Variants in NAV2 observed in about 807,000 individuals in gnomAD.
NAV2 encodes the protein helicase, APC down-regulated 1.
A neutral mutation model predicts 223.2 loss-of-function variants in NAV2; 54 were observed. The observed-to-expected ratio is 0.24, with a 90% CI of 0.19 to 0.30. NAV2 has a LOEUF of 0.30. NAV2 is among the 10% of genes least tolerant of loss of function. The pLI is 1.00. For synonymous variants in NAV2, 1,279 were observed against 1,239.3 expected (o/e 1.03, Z -0.67); for missense variants, 2,806 against 3,147.5 (o/e 0.89, Z 2.60).
intron 1 of NAV2, among the ~76,000 whole-genome samples, chr11:19,817,766 C>T (rs950008214): frequency 6.6e-6 from 1 of 152,186 alleles, no homozygotes; most frequent in Non-Finnish European, 1.5e-5. Flanking sequence ...AGCCGGGTCA[C>T]TCTCTTAATG....
intron 2 of NAV2, among the ~76,000 whole-genome samples, chr11:19,833,683 C>A (rs894154160): frequency 6.6e-6 from 1 of 152,238 alleles, no homozygotes; most frequent in East Asian, 1.9e-4. Context: ...GAAGTCTAGG[C>A]ATAGCTTAGC....
At chr11:19,912,256 G>T (rs2043375103) in intron 6 of NAV2, among the ~76,000 whole-genome samples, 1 of 152,146 alleles carries the variant, frequency 6.6e-6, no homozygotes, top group Admixed American at 6.5e-5. Context: ...ACACTTTGCT[G>T]CTTCATTTGC....
chr11:19,789,604 C>T (rs764373309), intron 1 of NAV2, among the ~76,000 whole-genome samples: 4 of 152,128 alleles, frequency 2.6e-5, no homozygotes, highest in South Asian at 2.1e-4. Flanking sequence ...TGTACAGAGA[C>T]GGTATATTCA....
At chr11:19,985,390 C>A (rs1367912303) in intron 11 of NAV2, among the ~76,000 whole-genome samples, 1 of 152,098 alleles carries the variant, frequency 6.6e-6, no homozygotes, top group East Asian at 1.9e-4. Flanking sequence ...AATGTGTCCT[C>A]CTTAGAGTCC....
At chr11:19,804,098 A>G (rs1332631089) in intron 1 of NAV2, among the ~76,000 whole-genome samples, 1 of 152,146 alleles carries the variant, frequency 6.6e-6, no homozygotes, top group African/African-American at 2.4e-5. Context: ...GACCTCATGC[A>G]CTAAAGAGAG....
At chr11:19,668,328 A>G (rs2048477290) in intron 1 of NAV2, among the ~76,000 whole-genome samples, 1 of 152,136 alleles carries the variant, frequency 6.6e-6, no homozygotes, top group South Asian at 2.1e-4. Flanking sequence ...ACCTGAGGTC[A>G]GGAGTTCAAG....
intron 1 of NAV2, among the ~76,000 whole-genome samples, chr11:19,795,347 T>C (rs1276400794): frequency 1.3e-5 from 2 of 152,248 alleles, no homozygotes; most frequent in Non-Finnish European, 2.9e-5. Context: ...ATGGCATATT[T>C]AGAATTTTTG....
chr11:19,390,368 A>G (rs1849200096), intron 1 of NAV2, among the ~76,000 whole-genome samples: 1 of 152,186 alleles, frequency 6.6e-6, no homozygotes, highest in South Asian at 2.1e-4. Context: ...GATGACTCCC[A>G]GATCTGCCCT....
Position 20,083,052 on chromosome 11 carries a change from A to C in NAV2, c.5371A>C (p.Lys1791Gln). 1.2e-6 allele frequency: 2 copies of C among 1,614,122 alleles called. No homozygotes were observed. The highest frequency in any genetic ancestry group is 1.7e-6 in the Non-Finnish European group (2 of 1,180,010). ...KQAFGKKKSP[K>Q]SASSHSDIEE... The stretch of plus-strand genomic sequence containing the variant: ...AGCTTTCGGGAAGAAGAAGTCCCCA[A>C]AATCTGCGTCCTCTCATTCAGATAT... The change falls in exon 26 of 38, where the codon AAA (lysine) becomes CAA (glutamine). Residue 1791 changes from lysine to glutamine, a missense_variant. Lys to Gln is a moderately conservative substitution (Grantham distance 53). This residue lies in a region of NAV2 where 824 missense variants were observed against 1,069.4 expected (regional missense o/e 0.77). Coordinates refer to ENST00000349880, the MANE Select transcript of NAV2 (RefSeq NM_145117.5).
intron 1 of NAV2, among the ~76,000 whole-genome samples, chr11:19,685,347 C>T (rs1183318946): frequency 1.3e-5 from 2 of 152,098 alleles, no homozygotes; most frequent in Non-Finnish European, 1.5e-5. Flanking sequence ...CGAAGACTTC[C>T]AGACCCCAGC....
chr11:20,037,835 G>C (rs1045853598), intron 12 of NAV2, among the ~76,000 whole-genome samples: 3 of 152,040 alleles, frequency 2.0e-5, no homozygotes, highest in African/African-American at 7.2e-5. Context: ...CTTTCCTTGT[G>C]AACACTAATT....
In NAV2 at chr11:19,461,429, T is replaced by A. The variant is rs375790013; in HGVS notation, c.75+110402T>A. ...TGTGAAAGAAGAGGTTTGGGACTTG[T>A]GCGTTTTATGTGGTTTTAGGCATTA... On this transcript the variant is annotated intron_variant, in intron 1 of 37. Transcript: ENST00000360655. 2.6e-5 allele frequency among the ~76,000 whole-genome samples: 4 copies of A among 152,236 alleles called. No homozygotes were observed. The East Asian group carries it at 7.7e-4, about 29-fold the overall frequency.
At chr11:20,094,038 T>C (rs1233504486) in intron 29 of NAV2, among the ~76,000 whole-genome samples, 1 of 152,100 alleles carries the variant, frequency 6.6e-6, no homozygotes, top group Non-Finnish European at 1.5e-5. Context: ...CAGCCAGACC[T>C]TTCTTAGGGG....
intron 36 of NAV2, among the ~76,000 whole-genome samples, chr11:20,110,798 C>G (rs1238668056): frequency 6.6e-6 from 1 of 152,220 alleles, no homozygotes; most frequent in Non-Finnish European, 1.5e-5. Flanking sequence ...ACTCTAGGGT[C>G]ACCTGCCCCT....
At chr11:19,787,390 A>G (rs758492156) in intron 1 of NAV2, among the ~76,000 whole-genome samples, 5 of 145,180 alleles carry the variant, frequency 3.4e-5, no homozygotes, top group African/African-American at 1.0e-4. Context: ...TGTTGGGATT[A>G]CAGACGTGAA....
intron 1 of NAV2, among the ~76,000 whole-genome samples, chr11:19,410,217 A>G (rs1850083044): frequency 6.6e-6 from 1 of 152,152 alleles, no homozygotes; most frequent in African/African-American, 2.4e-5. Context: ...TAAAGGTGGC[A>G]AACTTTTTGT....
At chr11:19,712,353 C>T (rs2049927898), upstream of NAV2, 1 of 152,320 alleles carries the variant, frequency 6.6e-6, no homozygotes, top group African/African-American at 2.4e-5. Context: ...AGGCCCCCCG[C>T]CCAGCCGGCC....
chr11:19,891,302 G>A (rs2041477115), intron 5 of NAV2, among the ~76,000 whole-genome samples: 1 of 152,154 alleles, frequency 6.6e-6, no homozygotes, highest in South Asian at 2.1e-4. Context: ...TGGATTTCAA[G>A]CTGAAAGATA....
intron 1 of NAV2, among the ~76,000 whole-genome samples, chr11:19,555,915 T>C (rs1477488698): frequency 1.3e-5 from 2 of 151,420 alleles, no homozygotes; most frequent in Non-Finnish European, 2.9e-5. Context: ...GTTCAGCCTG[T>C]GCTTATCACC....
Sources: gnomAD v4.1 joint callset for allele counts (sites outside exome capture counted in the v4.1 genomes callset) on GRCh38, gnomAD v4.1.1 for gene constraint, gnomAD v4.1.1 regional missense constraint, MANE v1.5 for transcripts, NCBI Gene and HGNC (gene_info 2026-07-23, HGNC 2026-07-21) for gene names.